TRIM24: variants seen among roughly 807,000 people sequenced by gnomAD.
TRIM24 encodes the protein transcription intermediary factor 1-alpha.
TRIM24 carries 29 observed loss-of-function variants against 123.9 expected under a neutral mutation model. That is an observed-to-expected ratio of 0.23 (90% CI 0.17 to 0.32). The LOEUF (loss-of-function observed/expected upper bound fraction) is 0.32, where lower values mean the gene tolerates loss of function less well. Among genes scored for constraint, TRIM24 ranks in the 10% least tolerant of loss-of-function variants. TRIM24 has a pLI of 1.00. For synonymous variants in TRIM24, 456 were observed against 461.1 expected (o/e 0.99, Z 0.14); for missense variants, 932 against 1,295.3 (o/e 0.72, Z 4.31).
At chr7:138,461,948 G>A (rs532120868) in intron 1 of TRIM24, among the ~76,000 whole-genome samples, 2 of 152,310 alleles carry the variant, frequency 1.3e-5, no homozygotes, top group African/African-American at 4.8e-5. Flanking sequence ...TCATTTATTT[G>A]ACTGCATGTT....
intron 14 of TRIM24, among the ~76,000 whole-genome samples, chr7:138,578,563 T>TGTGTGTGTGTGTGTGTGTGCGCGC (rs145011901): frequency 6.9e-6 from 1 of 144,990 alleles, no homozygotes; most frequent in Non-Finnish European, 1.5e-5. Context: ...TGTGTGTGTG[T>TGTGTGTGTGTGTGTGTGTGCGCGC]GCGCGCACGC....
intron 2 of TRIM24, among the ~76,000 whole-genome samples, chr7:138,508,669 G>GTA (rs1796201648): frequency 1.6e-5 from 1 of 61,114 alleles, no homozygotes; most frequent in African/African-American, 8.0e-5. Flanking sequence ...AGGAGTGTGT[G>GTA]TGTGTGTGTG....
At chr7:138,482,797 C>T (rs1795558379) in intron 1 of TRIM24, among the ~76,000 whole-genome samples, 1 of 152,000 alleles carries the variant, frequency 6.6e-6, no homozygotes, top group Admixed American at 6.6e-5. Context: ...GTGATGGTGT[C>T]TCACTATGTT....
intron 6 of TRIM24, among the ~76,000 whole-genome samples, chr7:138,535,622 G>A (rs914007372): frequency 3.9e-5 from 6 of 152,130 alleles, no homozygotes; most frequent in South Asian, 2.1e-4. Flanking sequence ...TGGGTAAACC[G>A]ATCTTTCTCT....
At chr7:138,509,736 A>T (rs1267755675) in intron 2 of TRIM24, among the ~76,000 whole-genome samples, 4 of 151,608 alleles carry the variant, frequency 2.6e-5, no homozygotes, top group Non-Finnish European at 5.9e-5. Context: ...AAAGAAAAGA[A>T]AAAAAGAATT....
At chr7:138,523,693 G>A (rs1796550125) in intron 4 of TRIM24, among the ~76,000 whole-genome samples, 2 of 148,888 alleles carry the variant, frequency 1.3e-5, no homozygotes, top group Admixed American at 1.3e-4. Context: ...AGAGCTTCCA[G>A]TGAGCCGAGA....
Position 138,519,192 on chromosome 7 carries a change from C to T in TRIM24, c.635C>T (p.Ala212Val). 1.2e-6 allele frequency: 2 copies of T among 1,614,062 alleles called. No homozygotes were observed. Among genetic ancestry groups the T allele is most frequent in the African/African-American group, 1.3e-5 (1 of 75,022 alleles). The change falls in exon 4 of 19, where the codon GCA becomes GTA. Residue 212 changes from alanine to valine, a missense_variant. Ala to Val is a moderately conservative substitution (Grantham distance 64). Around this residue, in one of 7 missense-constraint regions of TRIM24, gnomAD observed 74 missense variants for 163.6 expected, o/e 0.45. Transcript: ENST00000343526. ...TTGTCTCCCATTGTTTCTGCAGAGG[C>T]AGTTGGTGTCACCAGCCAGCGACCA... ...VRQKEEVSPE[A>V]VGVTSQRPVF...
intron 7 of TRIM24, 78 bp downstream of exon 7, chr7:138,538,881 A>G (rs1796946343): frequency 7.5e-7 from 1 of 1,332,876 alleles, no homozygotes; most frequent in Admixed American, 2.1e-5. Context: ...CTTAAAATTT[A>G]TTCTGCTTGT....
At chr7:138,550,605 G>A (rs1338606489) in intron 7 of TRIM24, among the ~76,000 whole-genome samples, 1 of 152,062 alleles carries the variant, frequency 6.6e-6, no homozygotes, top group Non-Finnish European at 1.5e-5. Context: ...TCAGGGCGAT[G>A]GCAGGAACAG....
Position 138,554,841 on chromosome 7 carries a change from C to T in TRIM24, c.1405C>T (p.Arg469Trp), listed in dbSNP as rs752822121. Residue 469 changes from arginine to tryptophan, a missense_variant, in exon 9 of 19, where the codon CGG (arginine) becomes TGG (tryptophan). By Grantham distance (101) the Arg-to-Trp change is moderately radical. Around this residue, in one of 7 missense-constraint regions of TRIM24, gnomAD observed 527 missense variants for 691.3 expected, o/e 0.76. Transcript: ENST00000343526. This position sits in a 1 kb window ranked among gnomAD's most constrained non-coding sequence, Gnocchi z 4.5. ...FPTQISLAQL[R>W]LQHMQQQVMA... ...AACACAGATCAGCCTAGCTCAATTA[C>T]GGCTCCAGCATATGCAGCAACAGGT... 13 of 1,614,156 alleles carry T rather than the reference C, an allele frequency of 8.1e-6. No individual in the cohort carries two copies. The highest frequency in any genetic ancestry group is 1.7e-5 in the Admixed American group (1 of 60,024).
rs1291281011 is a variant in TRIM24 at position 138,585,045 on chromosome 7, TTG to T, written c.*97_*98del. 18 of 1,096,152 alleles carry T rather than the reference TTG, an allele frequency of 1.6e-5. No homozygotes were observed. The highest frequency in any genetic ancestry group is 3.4e-5 in the South Asian group (2 of 58,230). The allele number at this position is 1,096,152 out of a possible 1,614,324, so 67.9% of individuals were successfully genotyped here. A position where few individuals can be genotyped will look rare whatever the true frequency, so the allele number is the denominator to read the frequency against. On this transcript the variant is annotated 3_prime_UTR_variant, in exon 19 of 19. Transcript: ENST00000343526. ...TTAACATCACTACAAAAAGAAGAGT[TTG>T]TGACTATTCTCATCTCTGTTTTGGA... is the stretch of plus-strand genomic sequence containing the variant.
intron 6 of TRIM24, among the ~76,000 whole-genome samples, chr7:138,529,446 T>C (rs1271250225): frequency 6.6e-6 from 1 of 152,306 alleles, no homozygotes; most frequent in Non-Finnish European, 1.5e-5. Flanking sequence ...ATTGTTTTCT[T>C]TATAGCACAA....
chr7:138,478,130 A>G (rs1046595053), intron 1 of TRIM24, among the ~76,000 whole-genome samples: 1 of 152,204 alleles, frequency 6.6e-6, no homozygotes, highest in Middle Eastern at 3.2e-3. Context: ...AACTAAAATT[A>G]TAAATTTGTT....
rs908653265 is a variant in TRIM24 at position 138,589,479 on chromosome 7, C to T, written c.*4528C>T. The T allele has an allele frequency of 2.0e-5, 3 of 152,142 alleles. No individual in the cohort carries two copies. The highest frequency in any genetic ancestry group is 7.2e-5 in the African/African-American group (3 of 41,434). 9.4% of individuals were successfully genotyped at this position (152,142 alleles called of 1,614,324 possible). On this transcript the variant is annotated 3_prime_UTR_variant, in exon 19 of 19. Coordinates refer to ENST00000343526, the MANE Select transcript of TRIM24 (RefSeq NM_015905.3). ...CTCCATTACTACTACTGTTGTTCCC[C>T]TAGCTGTAACATTGATCCATATAGG...
chr7:138,461,153 T>A (rs763220354), intron 1 of TRIM24: 78 of 700,558 alleles, frequency 1.1e-4, no homozygotes, highest in Non-Finnish European at 2.0e-4. Context: ...CCGCCGCCGC[T>A]GCTCCGCATT....
intron 1 of TRIM24, among the ~76,000 whole-genome samples, chr7:138,474,977 A>G (rs1314493390): frequency 6.6e-6 from 1 of 152,254 alleles, no homozygotes; most frequent in Non-Finnish European, 1.5e-5. Flanking sequence ...ATGCACCCTA[A>G]CAATGTAGGT....
At chr7:138,464,755 G>T (rs1325446677) in intron 1 of TRIM24, among the ~76,000 whole-genome samples, 1 of 151,982 alleles carries the variant, frequency 6.6e-6, no homozygotes, top group Non-Finnish European at 1.5e-5. Context: ...ACACTTTTTA[G>T]ATTTCAAAAA....
intron 12 of TRIM24, among the ~76,000 whole-genome samples, chr7:138,575,476 TTTGGTTAGAGACGGGTCTTTG>T (rs1376142759): frequency 6.6e-6 from 1 of 151,558 alleles, no homozygotes. Flanking sequence ...TTTTTTTTTT[TTTGGTTAGAGACGGGTCTTTG>T]TTGTCCAGGC....
At position 138,569,557 on chromosome 7, in the gene TRIM24, GA is replaced by G. The variant is rs894132026; in HGVS notation, c.1705-1266del. ...TTCCTCCAGCCTCATCATGTACATAGAAAAAAACCTGAAACGATCCACCAAC... is the reference window on the plus strand; with the variant it reads ...TTCCTCCAGCCTCATCATGTACATAGAAAAAACCTGAAACGATCCACCAAC... On this transcript the variant is annotated intron_variant, in intron 10 of 18. Transcript: ENST00000343526. Among the ~76,000 whole-genome samples the G allele has an allele frequency of 1.8e-3, 276 of 152,186 alleles. 1 individual carries two copies. Among genetic ancestry groups the G allele is most frequent in the African/African-American group, 6.4e-3 (265 of 41,524 alleles).
Sources: allele counts gnomAD v4.1 joint callset (sites outside exome capture counted in the v4.1 genomes callset), GRCh38; gene constraint gnomAD v4.1.1; regional missense constraint gnomAD v4.1.1; non-coding constraint Gnocchi (gnomAD v3.1); transcripts MANE v1.5; gene names NCBI Gene and HGNC (gene_info 2026-07-23, HGNC 2026-07-21).